Variants in RRP1 observed in about 807,000 individuals in gnomAD.
RRP1 encodes the protein ribosomal RNA processing 1.
Under a neutral mutation model 54.6 loss-of-function variants are expected in RRP1, and 37 were observed. The ratio of observed to expected loss-of-function variants is 0.68; its 90% CI spans 0.52 to 0.89. The LOEUF is 0.89. RRP1 is among the 40% of genes least tolerant of loss of function. The pLI, the probability that RRP1 is intolerant of heterozygous loss-of-function variation, is 0.00. For synonymous variants in RRP1, 262 were observed against 244.3 expected (o/e 1.07, Z -0.67); for missense variants, 639 against 612.5 (o/e 1.04, Z -0.46).
At chr21:43,795,142 A>G in intron 4 of RRP1, 47 bp from the exon 5 acceptor site, 2 of 1,577,116 alleles carry the variant, frequency 1.3e-6, no homozygotes, top group Non-Finnish European at 1.7e-6. Context: ...TGGTCTGGCG[A>G]AGTAGGGCTG....
At chr21:43,796,971 C>G (rs1216315703) in intron 5 of RRP1, among the ~76,000 whole-genome samples, 1 of 152,148 alleles carries the variant, frequency 6.6e-6, no homozygotes, top group African/African-American at 2.4e-5. Flanking sequence ...GTCCTCGGCC[C>G]CTTTCTGGGC....
chr21:43,802,400 G>C lies in RRP1; in HGVS notation c.1123+13G>C. On this transcript the variant is annotated intron_variant, in intron 12 of 12. Coordinates refer to ENST00000497547, the MANE Select transcript of RRP1 (RefSeq NM_003683.6). Reference sequence around the variant, plus strand: ...CAGCAGGAGAGAGGTAGGACTAGGGGGTGTGTTAGTCATGGAGCCGGCGTC... The same window carrying C: ...CAGCAGGAGAGAGGTAGGACTAGGGCGTGTGTTAGTCATGGAGCCGGCGTC... 6.2e-7 allele frequency: 1 copy of C among 1,605,312 alleles called. No individual in the cohort carries two copies. The highest frequency in any genetic ancestry group is 8.5e-7 in the Non-Finnish European group (1 of 1,172,394).
chr21:43,794,881 C>T lies in RRP1; in HGVS notation c.361-308C>T, dbSNP rs111942211. 6.7e-3 allele frequency among the ~76,000 whole-genome samples: 1,024 copies of T among 152,298 alleles called. 7 individuals are homozygous for T. Among genetic ancestry groups the T allele is most frequent in the Non-Finnish European group, 0.011 (719 of 68,024 alleles). On this transcript the variant is annotated intron_variant, in intron 4 of 12. Transcript: ENST00000497547. ...ATGAATCGGACTGTTCCGTTTCAGC[C>T]CCGGTTTATGGACTGGAGTCGTAGG...
chr21:43,803,452 G>C (rs994857599), intron 12 of RRP1, 60 bp from the exon 13 acceptor site: 1 of 1,481,414 alleles, frequency 6.8e-7, no homozygotes, highest in African/African-American at 1.4e-5. Flanking sequence ...CTGAGTTGGA[G>C]TAAGTGGAAA....
chr21:43,793,188 G>A, intron 3 of RRP1, 131 bp from the exon 4 acceptor site: 1 of 767,176 alleles, frequency 1.3e-6, no homozygotes, highest in Non-Finnish European at 2.2e-6. Flanking sequence ...CCAGTTCTGG[G>A]GGTAGGGCCT....
intron 9 of RRP1, 83 bp from the exon 10 acceptor site, chr21:43,800,434 A>C (rs370254506): frequency 7.0e-6 from 9 of 1,294,858 alleles, no homozygotes; most frequent in East Asian, 4.7e-5. Flanking sequence ...ACCAAGTGCT[A>C]TCTGGGTCTC....
chr21:43,790,285 C>T (rs1367563708), intron 1 of RRP1, among the ~76,000 whole-genome samples: 2 of 152,176 alleles, frequency 1.3e-5, no homozygotes, highest in Non-Finnish European at 2.9e-5. Context: ...CGTTCTATGC[C>T]GGGCGCAGTG....
At chr21:43,793,225 T>G (rs2084979106) in intron 3 of RRP1, 94 bp from the exon 4 acceptor site, 2 of 1,054,120 alleles carry the variant, frequency 1.9e-6, no homozygotes. Context: ...TATCTATAGC[T>G]ATGTAAAGAA....
At position 43,793,466 on chromosome 21, in the gene RRP1, C is replaced by T. The variant is rs576082321; in HGVS notation, c.360+62C>T. ...GCGCGGGTCTCAGTGCCTGGCCAAG[C>T]GAGACAGGCGGCACCTGGGCAGGGA... On this transcript the variant is annotated intron_variant, in intron 4 of 12. Transcript: ENST00000497547. The T allele has an allele frequency of 3.9e-5, 55 of 1,424,770 alleles. No individual in the cohort carries two copies. The South Asian group carries it at 4.3e-4, about 11-fold the overall frequency. 88.3% of individuals were successfully genotyped at this position (1,424,770 alleles called of 1,614,324 possible).
At chr21:43,798,667 TGTACTC>T (rs2085050024) in intron 8 of RRP1, among the ~76,000 whole-genome samples, 1 of 151,822 alleles carries the variant, frequency 6.6e-6, no homozygotes, top group Non-Finnish European at 1.5e-5. Flanking sequence ...GAGGGGCAGG[TGTACTC>T]ACCTGCCCCT....
rs758441464 is a variant in RRP1 at position 43,800,816 on chromosome 21, C to T, written c.990-46C>T. ...CTCTAGCTGGAGCTTCCTCCTCCTG[C>T]GGAAGCCGCAGCTGTGGTAAGTGGG... On this transcript the variant is annotated intron_variant, in intron 10 of 12. Transcript: ENST00000497547. The T allele has an allele frequency of 2.0e-5, 32 of 1,611,284 alleles. No individual in the cohort carries two copies. The Admixed American group carries it at 2.5e-4, about 13-fold the overall frequency.
At chr21:43,790,903 GT>G in intron 1 of RRP1, 1 of 437,706 alleles carries the variant, frequency 2.3e-6, no homozygotes, top group South Asian at 1.6e-5. Flanking sequence ...AGTAATTTCT[GT>G]TTCTCTCGTA....
At chr21:43,802,242 G>A (rs763810953) in intron 11 of RRP1, 32 bp from the exon 12 acceptor site, 8 of 1,543,388 alleles carry the variant, frequency 5.2e-6, no homozygotes, top group Non-Finnish European at 6.3e-6. Flanking sequence ...CCCAGCCCCC[G>A]AGAGCCCCCT....
rs532413410 is a variant in RRP1 at position 43,789,616 on chromosome 21, C to T, written c.-14C>T. The T allele has an allele frequency of 9.5e-6, 15 of 1,585,664 alleles. No individual in the cohort carries two copies. The highest frequency in any genetic ancestry group is 1.1e-5 in the South Asian group (1 of 87,502). ...CAGGCGACTCCGGGACAGGGGGTCT[C>T]GGCCGTCGGCGTCATGGTTTCGCGC... On this transcript the variant is annotated 5_prime_UTR_variant, in exon 1 of 13. Transcript: ENST00000497547.
At chr21:43,792,920 G>A in intron 3 of RRP1, 191 bp downstream of exon 3, 1 of 612,116 alleles carries the variant, frequency 1.6e-6, no homozygotes, top group East Asian at 2.8e-5. Flanking sequence ...ACATGGATTA[G>A]CTCATTTACC....
chr21:43,803,755 A>G lies in RRP1; in HGVS notation c.1367A>G (p.Lys456Arg), dbSNP rs546622210. Residue 456 changes from lysine (K) to arginine (R), a missense_variant, in exon 13 of 13, where the codon AAG becomes AGG. By Grantham distance (26) the Lys-to-Arg change is conservative. Transcript: ENST00000497547. ...KAANVQEPEKKKKRRE is the reference protein window; with the variant it reads ...KAANVQEPEKRKKRRE The stretch of plus-strand genomic sequence containing the variant: ...GCCAATGTCCAGGAGCCGGAGAAGA[A>G]GAAGAAACGCAGGGAGTGATGTGGC... 2.9e-5 allele frequency: 46 copies of G among 1,582,736 alleles called. No homozygotes were observed. In the African/African-American group the frequency reaches 3.8e-4, roughly 13 times the overall value.
intron 11 of RRP1, 116 bp downstream of exon 11, chr21:43,800,997 CTGG>C: frequency 1.7e-6 from 2 of 1,152,342 alleles, no homozygotes; most frequent in Non-Finnish European, 2.6e-6. Context: ...GCAGAGAGGC[CTGG>C]TGGTGTTTCT....
In RRP1 at chr21:43,800,958, A is replaced by G. The variant is rs535840216; in HGVS notation, c.1009+77A>G. On this transcript the variant is annotated intron_variant, in intron 11 of 12. Transcript: ENST00000497547. ...ATCCTCGTGGGAGTGGTTTGGTTCT[A>G]GGGGTCTCATAGCACGTGGAGTCTC... is the stretch of plus-strand genomic sequence containing the variant. The G allele has an allele frequency of 1.6e-4, 249 of 1,510,862 alleles. 1 individual carries two copies. In the South Asian group the frequency reaches 2.6e-3, roughly 16 times the overall value. The allele number at this position is 1,510,862 out of a possible 1,614,324, so 93.6% of individuals were successfully genotyped here.
intron 11 of RRP1, 123 bp downstream of exon 11, chr21:43,801,004 T>A: frequency 9.2e-7 from 1 of 1,081,872 alleles, no homozygotes; most frequent in Non-Finnish European, 1.4e-6. Flanking sequence ...GGCCTGGTGG[T>A]GTTTCTGAGG....
Sources: gnomAD v4.1 joint callset for allele counts (sites outside exome capture counted in the v4.1 genomes callset) on GRCh38, gnomAD v4.1.1 for gene constraint, MANE v1.5 for transcripts, NCBI Gene and HGNC (gene_info 2026-07-23, HGNC 2026-07-21) for gene names.